GKAP1: variants seen among roughly 807,000 people sequenced by gnomAD.
GKAP1 encodes the protein G kinase anchoring protein 1, also known as G kinase-anchoring protein 1.
In GKAP1, 31 loss-of-function variants were observed where a neutral mutation model predicts 56.7. The ratio of observed to expected loss-of-function variants is 0.55; its 90% confidence interval spans 0.41 to 0.74. GKAP1 has a LOEUF of 0.74. Ranked by LOEUF, GKAP1 falls within the 30% of genes least tolerant of loss-of-function variation. GKAP1 has a pLI of 0.00. For missense variants in GKAP1, 364 were observed against 402.3 expected, an observed-to-expected ratio of 0.90 and a Z score of 0.82; for synonymous variants, 151 against 138.6, an observed-to-expected ratio of 1.09 and a Z score of -0.63.
intron 7 of GKAP1, among the ~76,000 whole-genome samples, chr9:83,776,552 G>C (rs971550919): frequency 1.8e-4 from 27 of 152,004 alleles, no homozygotes; most frequent in African/African-American, 5.1e-4. Flanking sequence ...AAAATTAGCT[G>C]GGCATGGTGG....
At chr9:83,787,419 T>A (rs1375281462) in intron 5 of GKAP1, among the ~76,000 whole-genome samples, 1 of 152,162 alleles carries the variant, frequency 6.6e-6, no homozygotes, top group Non-Finnish European at 1.5e-5. Flanking sequence ...AAAAAATTTT[T>A]AGAGACAGTG....
intron 2 of GKAP1, among the ~76,000 whole-genome samples, chr9:83,814,081 A>C (rs897248584): frequency 6.6e-6 from 1 of 152,148 alleles, no homozygotes; most frequent in African/African-American, 2.4e-5. Flanking sequence ...CTTGGGTTAC[A>C]GCCTGAGACC....
At chr9:83,751,750 A>T (rs1317041292) in intron 9 of GKAP1, among the ~76,000 whole-genome samples, 4 of 151,946 alleles carry the variant, frequency 2.6e-5, no homozygotes, top group African/African-American at 7.3e-5. Context: ...TAACAGATTT[A>T]AAAAATAGAT....
At chr9:83,771,165 C>T (rs1587709344) in intron 7 of GKAP1, among the ~76,000 whole-genome samples, 2 of 151,918 alleles carry the variant, frequency 1.3e-5, no homozygotes, top group Non-Finnish European at 2.9e-5. Flanking sequence ...TAGGTTCAAG[C>T]GATTCTTGTG....
intron 7 of GKAP1, among the ~76,000 whole-genome samples, chr9:83,773,932 T>C (rs779664311): frequency 9.2e-5 from 14 of 152,200 alleles, no homozygotes; most frequent in Non-Finnish European, 1.8e-4. Context: ...TCATCATACC[T>C]AACAAAAATC....
chr9:83,794,345 A>G (rs548520776), intron 4 of GKAP1, among the ~76,000 whole-genome samples: 1 of 152,354 alleles, frequency 6.6e-6, no homozygotes, highest in South Asian at 2.1e-4. Flanking sequence ...GTTGCTAAAG[A>G]GCCAAAAATA....
intron 3 of GKAP1, among the ~76,000 whole-genome samples, chr9:83,801,873 A>C (rs295292): frequency 0.44 from 66,269 of 152,018 alleles, 15,047 homozygotes; most frequent in African/African-American, 0.55. Context: ...CTTTCCTTTA[A>C]AGTTACTGTG....
At chr9:83,784,263 T>A (rs1055947984) in intron 6 of GKAP1, among the ~76,000 whole-genome samples, 2 of 150,356 alleles carry the variant, frequency 1.3e-5, no homozygotes, top group African/African-American at 2.4e-5. Context: ...TGAGACTCCA[T>A]CTAAAAAAAG....
intron 3 of GKAP1, among the ~76,000 whole-genome samples, chr9:83,801,532 A>G (rs1242757179): frequency 1.3e-5 from 2 of 152,130 alleles, no homozygotes; most frequent in African/African-American, 2.4e-5. Flanking sequence ...TGCAAAAGGG[A>G]GTAAGATAGA....
intron 2 of GKAP1, among the ~76,000 whole-genome samples, chr9:83,812,038 T>A (rs1171810694): frequency 6.6e-6 from 1 of 151,948 alleles, no homozygotes; most frequent in Non-Finnish European, 1.5e-5. Flanking sequence ...AAACTTAACA[T>A]GAAAATAATC....
chr9:83,747,979 G>A (rs1943322387), intron 10 of GKAP1, among the ~76,000 whole-genome samples: 1 of 151,960 alleles, frequency 6.6e-6, no homozygotes, highest in Admixed American at 6.6e-5. Flanking sequence ...CTACTTTGTT[G>A]AGTCTTTTTT....
At chr9:83,748,225 G>T in intron 10 of GKAP1, 84 bp downstream of exon 10, 1 of 862,136 alleles carries the variant, frequency 1.2e-6, no homozygotes, top group Non-Finnish European at 1.9e-6. Flanking sequence ...CTTTTGTTGA[G>T]TTGGTAAATC....
rs150358010 is a variant in GKAP1, at chr9:83,778,698, T to G, written c.585+1684A>C. Among the ~76,000 whole-genome samples, 39 of 150,914 alleles carry G rather than the reference T, an allele frequency of 2.6e-4. 1 individual carries two copies. The East Asian group carries it at 7.2e-3, about 28-fold the overall frequency. ...CACATGTACCCCTGAACTTTAAAAG[T>G]TAAAAAACAAAAACAAAAATAAAGA... is the stretch of plus-strand genomic sequence containing the variant. On this transcript the variant is annotated intron_variant, in intron 7 of 12. Coordinates refer to ENST00000376371, the MANE Select transcript of GKAP1 (RefSeq NM_025211.4).
intron 2 of GKAP1, among the ~76,000 whole-genome samples, chr9:83,815,274 A>AT (rs1021686645): frequency 4.0e-5 from 6 of 150,334 alleles, no homozygotes; most frequent in African/African-American, 9.7e-5. Context: ...AAGCAGGAGA[A>AT]TTTTTTTTTT....
At chr9:83,772,995 A>T (rs1389891511) in intron 7 of GKAP1, among the ~76,000 whole-genome samples, 1 of 152,218 alleles carries the variant, frequency 6.6e-6, no homozygotes, top group Non-Finnish European at 1.5e-5. Context: ...GAAAAATGGT[A>T]GTCATTTTGA....
chr9:83,751,761 T>TA (rs111909937), intron 9 of GKAP1, among the ~76,000 whole-genome samples: 1,854 of 138,766 alleles, frequency 0.013, 28 homozygotes, highest in African/African-American at 0.041. Flanking sequence ...AAAAATAGAT[T>TA]AAAAAAAAAA....
At chr9:83,779,464 C>T (rs1431947440) in intron 7 of GKAP1, among the ~76,000 whole-genome samples, 1 of 85,256 alleles carries the variant, frequency 1.2e-5, no homozygotes, top group Non-Finnish European at 2.7e-5. Flanking sequence ...CACACACACA[C>T]GCACATATAC....
rs752802939 is a variant in GKAP1, at chr9:83,806,455, C to T, written c.63G>A (p.Val21=). The change falls in exon 3 of 13, where the codon GTG becomes GTA. Residue 21 remains valine (V), a synonymous_variant. Transcript: ENST00000376371. The part of the protein sequence containing the change: ...TTASRFALLQ[V]DSGSGSDSEP... ...CAGAATCAGAGCCACTGCCACTATC[C>T]ACTTGTAACAGGGCAAAACGAGAAG... is the stretch of plus-strand genomic sequence containing the variant. 1.2e-6 allele frequency: 2 copies of T among 1,613,994 alleles called. No individual in the cohort carries two copies. Among genetic ancestry groups the T allele is most frequent in the South Asian group, 2.2e-5 (2 of 91,056 alleles).
rs566517475 is a variant in GKAP1, at chr9:83,774,699, C to A, written c.585+5683G>T. ...AAAGAAACTATCAATAAACAGAAAC[C>A]CCCTTTTTTTTTTTTTTTTTTTTTT... On this transcript the variant is annotated intron_variant, in intron 7 of 12. Transcript: ENST00000376371. Among the ~76,000 whole-genome samples, 195 of 113,778 alleles carry A rather than the reference C, an allele frequency of 1.7e-3. 38 individuals carry two copies. Among genetic ancestry groups the A allele is most frequent in the South Asian group, 5.3e-3 (18 of 3,402 alleles). 74.6% of individuals were successfully genotyped at this position (113,778 alleles called of 152,430 possible).
Sources: gnomAD v4.1 joint callset for allele counts (sites outside exome capture counted in the v4.1 genomes callset) on GRCh38, gnomAD v4.1.1 for gene constraint, MANE v1.5 for transcripts, NCBI Gene and HGNC (gene_info 2026-07-23, HGNC 2026-07-21) for gene names.